DENND1C: variants seen among roughly 807,000 people sequenced by gnomAD.
The protein encoded by DENND1C is DENN domain-containing protein 1C.
Under a neutral mutation model 87.9 loss-of-function variants are expected in DENND1C, and 64 were observed. The observed-to-expected ratio is 0.73, with a 90% CI of 0.60 to 0.90. DENND1C has a LOEUF of 0.90. DENND1C is among the 40% of genes least tolerant of loss of function. The pLI is 0.00. For synonymous variants in DENND1C, 384 were observed against 424.4 expected (o/e 0.90, Z 1.17); for missense variants, 980 against 1,037.0 (o/e 0.95, Z 0.76).
chr19:6,480,460 C>A (rs919538357), intron 1 of DENND1C: 67 of 983,614 alleles, frequency 6.8e-5, no homozygotes, highest in East Asian at 3.4e-4. Flanking sequence ...ACATCTCTCT[C>A]TCTCTATATA....
chr19:6,476,932 G>A lies in DENND1C; in HGVS notation c.603C>T (p.Asp201=), dbSNP rs1157510932. 4 of 1,613,648 alleles carry A rather than the reference G, an allele frequency of 2.5e-6. No homozygotes were observed. Among genetic ancestry groups the A allele is most frequent in the Admixed American group, 3.3e-5 (2 of 60,002 alleles). ...NLTELVVAVT[D]ENIVGLFAAL... The stretch of plus-strand genomic sequence containing the variant: ...CCGCGAACAGCCCCACGATGTTCTC[G>A]TCAGTCACGGCCACCACCAGCTCCG... Residue 201 remains aspartate, a synonymous_variant, in exon 10 of 23, where the codon GAC becomes GAT. Coordinates refer to ENST00000381480, the MANE Select transcript of DENND1C (RefSeq NM_024898.4).
At chr19:6,476,014 G>T in intron 10 of DENND1C, 77 bp from the exon 11 acceptor site, 12 of 1,293,194 alleles carry the variant, frequency 9.3e-6, no homozygotes, top group Non-Finnish European at 1.3e-5. Flanking sequence ...CATTTCCCAC[G>T]TCCCCAGTCT....
At chr19:6,478,429 T>C (rs1015619547) in intron 6 of DENND1C, among the ~76,000 whole-genome samples, 20 of 134,616 alleles carry the variant, frequency 1.5e-4, no homozygotes, top group Non-Finnish European at 3.0e-4. Flanking sequence ...TTTTTTTTTG[T>C]ATTTTTAGTA....
Position 6,473,000 on chromosome 19 carries a change from G to A in DENND1C, c.1054-7C>T, listed in dbSNP as rs746645783. The A allele has an allele frequency of 1.3e-6, 2 of 1,521,756 alleles. No homozygotes were observed. Among genetic ancestry groups the A allele is most frequent in the East Asian group, 4.9e-5 (2 of 40,716 alleles). 94.3% of individuals were successfully genotyped at this position (1,521,756 alleles called of 1,614,324 possible). A position where few individuals can be genotyped will look rare whatever the true frequency, so the allele number is the denominator to read the frequency against. On this transcript the variant is annotated splice_region_variant and splice_polypyrimidine_tract_variant and intron_variant, in intron 14 of 22. Transcript: ENST00000381480. ...TGAAGGTCACTGGCTGGCCCTGGAA[G>A]AAGCGTTGGAGTTCTGAGCTCCCTG...
chr19:6,479,809 C>G lies in DENND1C; in HGVS notation c.126+50G>C, dbSNP rs377446586. 102 of 1,613,746 alleles carry G rather than the reference C, an allele frequency of 6.3e-5. No individual in the cohort carries two copies. The Middle Eastern group carries it at 8.2e-4, about 13-fold the overall frequency. ...GGTCCAAGAAACCAAGTCCCCTCCC[C>G]CTGGGAGACTGGCCCTCGCCCTGGG... is the stretch of plus-strand genomic sequence containing the variant. On this transcript the variant is annotated intron_variant, in intron 3 of 22. Transcript: ENST00000381480.
At chr19:6,469,366 C>T (rs2092815327) in intron 19 of DENND1C, 6 of 537,944 alleles carry the variant, frequency 1.1e-5, no homozygotes, top group Non-Finnish European at 2.0e-5. Context: ...GTCTCTCTGT[C>T]ACCCAGGCTG....
In DENND1C at chr19:6,467,567, A is replaced by G; in HGVS notation, c.2343T>C (p.Cys781=). Reference sequence around the variant, plus strand: ...GCCGGCTGCTGGGCTGGGACTTTTGACAGTTGCTGGTGGGTGTAGCAGGGG... The same window carrying G: ...GCCGGCTGCTGGGCTGGGACTTTTGGCAGTTGCTGGTGGGTGTAGCAGGGG... The part of the protein sequence containing the change: ...LNSPATPTSN[C]QKSQPSSRPR... The change falls in exon 23 of 23, where the codon TGT becomes TGC. Residue 781 remains cysteine (C), a synonymous_variant. Transcript: ENST00000381480. 1 of 1,607,196 alleles carries G rather than the reference A, an allele frequency of 6.2e-7. No homozygotes were observed. Among genetic ancestry groups the G allele is most frequent in the South Asian group, 1.1e-5 (1 of 90,268 alleles).
Position 6,467,746 on chromosome 19 carries a change from TG to T in DENND1C, c.2163del (p.Thr722GlnfsTer7). The T allele has an allele frequency of 3.3e-6, 5 of 1,518,698 alleles. No homozygotes were observed. The highest frequency in any genetic ancestry group is 4.4e-6 in the Non-Finnish European group (5 of 1,136,288). The allele number at this position is 1,518,698 out of a possible 1,614,324, so 94.1% of individuals were successfully genotyped here. ...CAGGCTATATCAAAGTTGGGCTTTG[TG>T]GGGGCCAGAATTTGGGGGCTTTCTG... The part of the protein sequence containing the change: ...SPPESPQILA[P>X]TKPNFDIAWT... On this transcript the variant is annotated frameshift_variant, in exon 23 of 23. Transcript: ENST00000381480. LOFTEE classifies it low-confidence loss of function (END_TRUNC).
At chr19:6,476,252 A>G (rs1396722214) in intron 10 of DENND1C, 5 of 345,998 alleles carry the variant, frequency 1.4e-5, no homozygotes, top group African/African-American at 8.7e-5. Flanking sequence ...TCCACCCCGA[A>G]AGAGGTGGAG....
At position 6,468,274 on chromosome 19, in the gene DENND1C, T is replaced by C. The variant is rs773154219; in HGVS notation, c.1751A>G (p.Asp584Gly). Reference protein sequence around the residue: ...AGSLRPSQSLDCCHRGDLDSC... With the variant: ...AGSLRPSQSLGCCHRGDLDSC... ...GTCCAGGTCTCCTCTGTGACAGCAG[T>C]CTAAACTCTGGCTCGGTCTCAGGCT... The change falls in exon 22 of 23, where the codon GAC becomes GGC. Residue 584 changes from aspartate (D) to glycine (G), a missense_variant. Physicochemically the swap from Asp to Gly is moderately conservative, Grantham distance 94. Coordinates refer to ENST00000381480, the MANE Select transcript of DENND1C (RefSeq NM_024898.4). 1 of 1,613,598 alleles carries C rather than the reference T, an allele frequency of 6.2e-7. No homozygotes were observed. Among genetic ancestry groups the C allele is most frequent in the East Asian group, 2.2e-5 (1 of 44,870 alleles).
chr19:6,474,913 A>C (rs2092849470), intron 14 of DENND1C, among the ~76,000 whole-genome samples: 1 of 152,114 alleles, frequency 6.6e-6, no homozygotes, highest in South Asian at 2.1e-4. Flanking sequence ...TACTAAAACT[A>C]CAAAAATTAG....
At chr19:6,481,428 T>C (rs985701736) in intron 1 of DENND1C, among the ~76,000 whole-genome samples, 1 of 151,154 alleles carries the variant, frequency 6.6e-6, no homozygotes, top group Non-Finnish European at 1.5e-5. Context: ...GGTACATGCA[T>C]TCACAGAGCT....
intron 1 of DENND1C, chr19:6,480,423 C>G: frequency 9.0e-7 from 1 of 1,108,330 alleles, no homozygotes; most frequent in Non-Finnish European, 1.1e-6. Context: ...TGAAGGACAG[C>G]CCGTGCAGTC....
intron 10 of DENND1C, chr19:6,476,278 C>A (rs529000408): frequency 4.1e-5 from 12 of 295,648 alleles, no homozygotes; most frequent in Non-Finnish European, 7.0e-5. Flanking sequence ...ACGTAGACCG[C>A]CCTTGTCCCG....
At chr19:6,476,834 C>G (rs1452678976) in intron 10 of DENND1C, 23 bp downstream of exon 10, 2 of 1,601,466 alleles carry the variant, frequency 1.2e-6, no homozygotes, top group Non-Finnish European at 8.5e-7. Flanking sequence ...GCTCCCACCC[C>G]GGCCCGGCGG....
chr19:6,476,676 GC>G (rs1309276379), intron 10 of DENND1C, 180 bp downstream of exon 10: 5 of 622,890 alleles, frequency 8.0e-6, no homozygotes, highest in Middle Eastern at 4.4e-4. Flanking sequence ...CTGCAGCGCA[GC>G]CCCCTCCCAC....
Position 6,467,494 on chromosome 19 carries a change from C to T in DENND1C, c.*10G>A. On this transcript the variant is annotated 3_prime_UTR_variant, in exon 23 of 23. Coordinates refer to ENST00000381480, the MANE Select transcript of DENND1C (RefSeq NM_024898.4). ...TTGAGGGACTGGGGTCTCTCTTGGACCCCTGATTCTTAACCCTCAAAGCAC... is the reference window on the plus strand; with the variant it reads ...TTGAGGGACTGGGGTCTCTCTTGGATCCCTGATTCTTAACCCTCAAAGCAC... 6.4e-7 allele frequency: 1 copy of T among 1,570,804 alleles called. No homozygotes were observed. Among genetic ancestry groups the T allele is most frequent in the South Asian group, 1.2e-5 (1 of 84,436 alleles).
rs904838708 is a variant in DENND1C, at chr19:6,471,635, C to T, written c.1159-139G>A. ...CCCCCAAGCACCTGGGAAACTGGAG[C>T]CCACTTTATTTTTTATTTTTATTTT... On this transcript the variant is annotated intron_variant, in intron 15 of 22. Coordinates refer to ENST00000381480, the MANE Select transcript of DENND1C (RefSeq NM_024898.4). The T allele has an allele frequency of 4.7e-5, 33 of 701,188 alleles. No individual in the cohort carries two copies. In the Middle Eastern group the frequency reaches 1.2e-3, roughly 26 times the overall value. 43.4% of individuals were successfully genotyped at this position (701,188 alleles called of 1,614,324 possible). A position where few individuals can be genotyped will look rare whatever the true frequency, so the allele number is the denominator to read the frequency against.
At position 6,478,846 on chromosome 19, in the gene DENND1C, C is replaced by T. The variant is rs751979147; in HGVS notation, c.303G>A (p.Leu101=). 1.9e-6 allele frequency: 3 copies of T among 1,613,814 alleles called. No homozygotes were observed. The highest frequency in any genetic ancestry group is 2.5e-6 in the Non-Finnish European group (3 of 1,179,818). Residue 101 remains leucine, a synonymous_variant, in exon 6 of 23, where the codon CTG becomes CTA. Transcript: ENST00000381480. ...GCTTGTAAAACACCTCGAACCAAGG[C>T]AGGTGGCTGTGGAGAGAGGAGACAG... ...TQSCLCILSH[L]PWFEVFYKLL... is the part of the protein sequence containing the mutation.
Sources: allele counts gnomAD v4.1 joint callset (sites outside exome capture counted in the v4.1 genomes callset), GRCh38; gene constraint gnomAD v4.1.1; transcripts MANE v1.5; gene names NCBI Gene and HGNC (gene_info 2026-07-23, HGNC 2026-07-21).